ABCC1: variants seen among roughly 807,000 people sequenced by gnomAD.
ABCC1 encodes ATP binding cassette subfamily C member 1 (ABCC1 blood group).
Under a neutral mutation model 172.9 loss-of-function variants are expected in ABCC1, and 83 were observed. That is an observed-to-expected ratio of 0.48 (90% confidence interval 0.40 to 0.58). ABCC1 has a LOEUF of 0.58. Ranked by LOEUF, ABCC1 falls within the 20% of genes least tolerant of loss-of-function variation. The pLI, the probability that ABCC1 is intolerant of heterozygous loss-of-function variation, is 0.00. For missense variants in ABCC1, 1,817 were observed against 2,002.7 expected (o/e 0.91, Z 1.77); for synonymous variants, 937 against 825.2 (o/e 1.14, Z -2.32).
chr16:16,089,052 CT>C (rs2051131848), intron 18 of ABCC1, among the ~76,000 whole-genome samples: 1 of 152,094 alleles, frequency 6.6e-6, no homozygotes. Context: ...CTCGGCAGGG[CT>C]GAGTTGGTGC....
intron 14 of ABCC1, among the ~76,000 whole-genome samples, chr16:16,075,730 T>C (rs576629998): frequency 1.3e-5 from 2 of 152,318 alleles, no homozygotes; most frequent in African/African-American, 4.8e-5. Context: ...CCGTATCCTC[T>C]TTTTTTGAGT....
chr16:16,133,397 T>TTTTTGTTTTTG (rs1555504079), intron 27 of ABCC1, among the ~76,000 whole-genome samples: 25 of 148,896 alleles, frequency 1.7e-4, no homozygotes, highest in Middle Eastern at 3.5e-3. Context: ...TTTGTTTTTG[T>TTTTTGTTTTTG]TTTTGTTTTG....
At chr16:16,134,123 C>T (rs964953680) in intron 27 of ABCC1, among the ~76,000 whole-genome samples, 5 of 152,118 alleles carry the variant, frequency 3.3e-5, no homozygotes, top group African/African-American at 1.2e-4. Flanking sequence ...TATAAAAAGC[C>T]GAGTCATTCC....
chr16:16,124,411 ATGTGTG>A (rs980164516), intron 24 of ABCC1, among the ~76,000 whole-genome samples: 1 of 55,694 alleles, frequency 1.8e-5, no homozygotes, highest in Non-Finnish European at 3.9e-5. Context: ...GTGTGTGTGT[ATGTGTG>A]TGTGTGTGAT....
chr16:15,979,914 T>C (rs983692835), intron 1 of ABCC1, among the ~76,000 whole-genome samples: 16 of 152,186 alleles, frequency 1.1e-4, no homozygotes, highest in Non-Finnish European at 5.9e-5. Flanking sequence ...CATTCATAGA[T>C]GCCCTAGGTA....
intron 30 of ABCC1, among the ~76,000 whole-genome samples, chr16:16,139,963 C>T (rs932485794): frequency 3.3e-5 from 5 of 152,144 alleles, no homozygotes; most frequent in Middle Eastern, 6.3e-3. Flanking sequence ...CCAGTGTTGC[C>T]GTGTGAAAGC....
Position 15,973,820 on chromosome 16 carries a change from TA to T in ABCC1, c.48+24036del, listed in dbSNP as rs111583444. Among the ~76,000 whole-genome samples, 868 of 138,606 alleles carry T rather than the reference TA, an allele frequency of 6.3e-3. 2 individuals carry two copies. Among genetic ancestry groups the T allele is most frequent in the South Asian group, 0.018 (77 of 4,392 alleles). The allele number at this position is 138,606 out of a possible 152,430, so 90.9% of individuals were successfully genotyped here. Reference sequence around the variant, plus strand: ...GCGAGACCCAGTCTCTACACAAAATTAAAAAAAAAAAAAAATTAGCCCGGTA... The same window carrying T: ...GCGAGACCCAGTCTCTACACAAAATTAAAAAAAAAAAAAATTAGCCCGGTA... On this transcript the variant is annotated intron_variant, in intron 1 of 30. Coordinates refer to ENST00000399410, the MANE Select transcript of ABCC1 (RefSeq NM_004996.4).
At chr16:16,125,999 C>A (rs2045417561) in intron 26 of ABCC1, 88 bp downstream of exon 26, 2 of 915,952 alleles carry the variant, frequency 2.2e-6, no homozygotes, top group African/African-American at 1.7e-5. Flanking sequence ...TGCACCTCTG[C>A]CTCTGAGCTG....
chr16:16,053,255 G>T (rs2049506532), intron 11 of ABCC1, among the ~76,000 whole-genome samples: 1 of 151,946 alleles, frequency 6.6e-6, no homozygotes, highest in South Asian at 2.1e-4. Flanking sequence ...TTACCTTATA[G>T]GATACATGCT....
intron 5 of ABCC1, 106 bp downstream of exon 5, chr16:16,016,727 T>A (rs1159218760): frequency 1.3e-6 from 2 of 1,483,194 alleles, no homozygotes; most frequent in Non-Finnish European, 1.8e-6. Context: ...CGTTCCAGCC[T>A]CCCTCAACCC....
chr16:16,114,919 A>G lies in ABCC1; in HGVS notation c.3233A>G (p.Lys1078Arg), dbSNP rs755467136. The part of the protein sequence containing the change: ...PSGNLVNRFS[K>R]ELDTVDSMIP... The stretch of plus-strand genomic sequence containing the variant: ...GGGAACCTGGTGAACCGCTTCTCCA[A>G]GGAGCTGGACACAGTGGACTCCATG... Residue 1078 changes from lysine (K) to arginine (R), a missense_variant, in exon 23 of 31, where the codon AAG (lysine) becomes AGG (arginine). By Grantham distance (26) the Lys-to-Arg change is conservative. This residue lies in a region of ABCC1 where 1,412 missense variants were observed against 1,600.3 expected (regional missense o/e 0.88). Transcript: ENST00000399410. 10 of 1,613,900 alleles carry G rather than the reference A, an allele frequency of 6.2e-6. No individual in the cohort carries two copies. The African/African-American group carries it at 1.2e-4, about 19-fold the overall frequency.
intron 1 of ABCC1, among the ~76,000 whole-genome samples, chr16:15,985,664 C>T (rs202048399): frequency 6.6e-5 from 10 of 151,514 alleles, no homozygotes; most frequent in Non-Finnish European, 7.4e-5. Context: ...GGGCTGGTCT[C>T]GAACTCCTGA....
At chr16:16,040,106 G>A (rs896931758) in intron 7 of ABCC1, among the ~76,000 whole-genome samples, 1 of 146,232 alleles carries the variant, frequency 6.8e-6, no homozygotes, top group Non-Finnish European at 1.5e-5. Context: ...ATGTATGTAT[G>A]TATTTTAGAG....
chr16:15,953,525 G>A (rs1567271203), intron 1 of ABCC1, among the ~76,000 whole-genome samples: 1 of 152,126 alleles, frequency 6.6e-6, no homozygotes. Flanking sequence ...AGTGAATAGC[G>A]GTGACTTGAG....
intron 1 of ABCC1, among the ~76,000 whole-genome samples, chr16:15,959,285 C>T (rs2046074671): frequency 6.6e-6 from 1 of 152,110 alleles, no homozygotes; most frequent in South Asian, 2.1e-4. Flanking sequence ...TGTGACAGTT[C>T]ATTCTCCCCT....
chr16:15,955,311 G>A (rs1283140983), intron 1 of ABCC1, among the ~76,000 whole-genome samples: 1 of 152,056 alleles, frequency 6.6e-6, no homozygotes, highest in East Asian at 1.9e-4. Context: ...TGAGCCGAGA[G>A]TTCGCCACTG....
chr16:16,096,153 CG>C (rs1323638793), intron 19 of ABCC1, among the ~76,000 whole-genome samples: 1 of 151,290 alleles, frequency 6.6e-6, no homozygotes, highest in Non-Finnish European at 1.5e-5. Context: ...AGCGTGAATC[CG>C]GGGGGCAGAG....
At chr16:16,093,325 G>A (rs778084449) in intron 19 of ABCC1, among the ~76,000 whole-genome samples, 58 of 151,890 alleles carry the variant, frequency 3.8e-4, no homozygotes, top group Non-Finnish European at 6.5e-4. Context: ...CTACCCTTCC[G>A]TCCAGGTGAG....
chr16:16,022,165 G>GGGTGGGGTCAGGTCAGGCAGGGCC (rs2048217077), intron 5 of ABCC1, among the ~76,000 whole-genome samples: 1 of 152,108 alleles, frequency 6.6e-6, no homozygotes, highest in Non-Finnish European at 1.5e-5. Context: ...CAGGCAGGGC[G>GGGTGGGGTCAGGTCAGGCAGGGCC]TGGGTGGGAG....
Sources: gnomAD v4.1 joint callset for allele counts (sites outside exome capture counted in the v4.1 genomes callset) on GRCh38, gnomAD v4.1.1 for gene constraint, gnomAD v4.1.1 regional missense constraint, MANE v1.5 for transcripts, NCBI Gene and HGNC (gene_info 2026-07-23, HGNC 2026-07-21) for gene names.